CWC22: variants seen among roughly 807,000 people sequenced by gnomAD.
CWC22 encodes pre-mRNA-splicing factor CWC22 homolog.
Under a neutral mutation model 117.2 loss-of-function variants are expected in CWC22, and 53 were observed. The observed-to-expected ratio is 0.45, with a 90% CI of 0.36 to 0.57. The LOEUF (loss-of-function observed/expected upper bound fraction) is 0.57. Ranked by LOEUF, CWC22 falls within the 20% of genes least tolerant of loss-of-function variation. The pLI is 0.00. For missense variants in CWC22, 980 were observed against 1,068.8 expected (o/e 0.92, Z 1.16); for synonymous variants, 360 against 355.6 (o/e 1.01, Z -0.14).
At chr2:179,989,249 TA>T (rs11357427) in intron 2 of CWC22, among the ~76,000 whole-genome samples, 143,315 of 150,482 alleles carry the variant, frequency 0.95, 68,345 homozygotes, top group East Asian at 1. Context: ...GTTATAATAA[TA>T]ATTATTATTA....
At chr2:179,971,607 C>T (rs997211319) in intron 8 of CWC22, among the ~76,000 whole-genome samples, 1 of 152,022 alleles carries the variant, frequency 6.6e-6, no homozygotes, top group Admixed American at 6.6e-5. Context: ...TTCTGGAACA[C>T]AACAGTTTTG....
chr2:179,974,968 T>C (rs1433527175), intron 6 of CWC22, among the ~76,000 whole-genome samples: 1 of 152,166 alleles, frequency 6.6e-6, no homozygotes, highest in Non-Finnish European at 1.5e-5. Flanking sequence ...AGGCAACTCC[T>C]GGACTCAAGT....
chr2:179,979,135 G>C (rs946241278), intron 5 of CWC22, among the ~76,000 whole-genome samples: 5 of 152,046 alleles, frequency 3.3e-5, no homozygotes, highest in Non-Finnish European at 5.9e-5. Flanking sequence ...GTCTCTCTCG[G>C]GAAGTCTGGT....
In CWC22 at chr2:179,986,762, C is replaced by A; in HGVS notation, c.139G>T (p.Asp47Tyr). The A allele has an allele frequency of 1.2e-6, 2 of 1,609,300 alleles. No individual in the cohort carries two copies. The highest frequency in any genetic ancestry group is 1.7e-6 in the Non-Finnish European group (2 of 1,177,320). ...ERSPRDRDYF[D>Y]YSRSDYEHSR... Reference sequence around the variant, plus strand: ...TGCTCATAGTCTGATCTGCTGTAATCAAAGTAATCTCTATCCCGGGGGGAT... The same window carrying A: ...TGCTCATAGTCTGATCTGCTGTAATAAAAGTAATCTCTATCCCGGGGGGAT... The change falls in exon 4 of 20, where the codon GAT (aspartate) becomes TAT (tyrosine). Residue 47 changes from aspartate to tyrosine, a missense_variant. This residue lies in a region of CWC22 where 559 missense variants were observed against 602.3 expected (regional missense o/e 0.93). Coordinates refer to ENST00000410053, the MANE Select transcript of CWC22 (RefSeq NM_020943.3).
intron 19 of CWC22, among the ~76,000 whole-genome samples, chr2:179,949,885 G>C (rs1686402047): frequency 6.6e-6 from 1 of 151,934 alleles, no homozygotes; most frequent in African/African-American, 2.4e-5. Flanking sequence ...AAACATAATG[G>C]TAAAAAAATA....
intron 19 of CWC22, among the ~76,000 whole-genome samples, chr2:179,948,988 C>A (rs1361472218): frequency 6.6e-6 from 1 of 152,266 alleles, no homozygotes; most frequent in South Asian, 2.1e-4. Context: ...TATGGAAATT[C>A]TCTGTACTGT....
chr2:179,949,830 A>G (rs1686401297), intron 19 of CWC22, among the ~76,000 whole-genome samples: 1 of 152,244 alleles, frequency 6.6e-6, no homozygotes, highest in Non-Finnish European at 1.5e-5. Flanking sequence ...TAGCAATATT[A>G]CTGAATTAAC....
intron 4 of CWC22, among the ~76,000 whole-genome samples, chr2:179,982,705 G>A (rs1048363044): frequency 1.3e-5 from 2 of 152,070 alleles, no homozygotes; most frequent in East Asian, 3.9e-4. Context: ...CCCTACTAAC[G>A]TACCTGATTA....
At chr2:179,986,475 A>G (rs72960701) in intron 4 of CWC22, among the ~76,000 whole-genome samples, 7 of 151,992 alleles carry the variant, frequency 4.6e-5, no homozygotes, top group African/African-American at 1.7e-4. Context: ...ACTTCTCTAG[A>G]CCTCAGTTTC....
At chr2:179,972,342 A>T (rs573602145) in intron 8 of CWC22, among the ~76,000 whole-genome samples, 1 of 152,328 alleles carries the variant, frequency 6.6e-6, no homozygotes, top group Admixed American at 6.5e-5. Flanking sequence ...GTTAAATAAA[A>T]GCTAAATCAA....
At chr2:180,003,119 C>T (rs1408724708) in intron 1 of CWC22, among the ~76,000 whole-genome samples, 5 of 152,174 alleles carry the variant, frequency 3.3e-5, no homozygotes, top group Non-Finnish European at 5.9e-5. Flanking sequence ...ACAACAGCAG[C>T]GTTGTCTCAC....
intron 17 of CWC22, among the ~76,000 whole-genome samples, chr2:179,952,101 T>G (rs953452986): frequency 6.6e-6 from 1 of 152,140 alleles, no homozygotes; most frequent in Admixed American, 6.6e-5. Flanking sequence ...CAATTATTAA[T>G]AGATGAAATA....
intron 1 of CWC22, among the ~76,000 whole-genome samples, chr2:180,005,134 A>T (rs1309408483): frequency 6.6e-6 from 1 of 152,058 alleles, no homozygotes; most frequent in African/African-American, 2.4e-5. Context: ...CTTCAAGGAG[A>T]TGATGCTGCT....
rs745609782 is a variant in CWC22 at position 179,973,700 on chromosome 2, T to C, written c.684A>G (p.Gln228=). 8 of 1,611,442 alleles carry C rather than the reference T, an allele frequency of 5.0e-6. No individual in the cohort carries two copies. The highest frequency in any genetic ancestry group is 4.5e-5 in the East Asian group (2 of 44,812). Residue 228 remains glutamine, a synonymous_variant, in exon 7 of 20, where the codon CAA becomes CAG. Transcript: ENST00000410053. ...LVAIINSKFP[Q]IGELILKRLI... The stretch of plus-strand genomic sequence containing the variant: ...ACCTTTTGAGGATTAATTCTCCAAT[T>C]TGTGGAAATTTTGAGTTGATAATTG...
chr2:179,954,628 T>C (rs1012872554), intron 15 of CWC22, among the ~76,000 whole-genome samples: 4 of 152,036 alleles, frequency 2.6e-5, no homozygotes, highest in Non-Finnish European at 5.9e-5. Flanking sequence ...AGATCATGCT[T>C]TAATTGTGCT....
rs765908035 is a variant in CWC22, at chr2:179,970,868, C to G, written c.941-12G>C. On this transcript the variant is annotated splice_polypyrimidine_tract_variant and intron_variant, in intron 9 of 19. Transcript: ENST00000410053. The stretch of plus-strand genomic sequence containing the variant: ...GCGTTCAAATATAGCTAAAAGTTAA[C>G]AGAAAGAAAAGACAATAAAATAAGC... 7 of 1,610,996 alleles carry G rather than the reference C, an allele frequency of 4.3e-6. No individual in the cohort carries two copies. Among genetic ancestry groups the G allele is most frequent in the South Asian group, 2.2e-5 (2 of 90,856 alleles).
chr2:179,965,773 C>T, intron 12 of CWC22, 105 bp downstream of exon 12: 1 of 971,940 alleles, frequency 1.0e-6, no homozygotes, highest in Non-Finnish European at 1.5e-6. Flanking sequence ...CCATCAGCAG[C>T]TGTCCTTGCT....
intron 1 of CWC22, among the ~76,000 whole-genome samples, chr2:180,003,689 T>C (rs1687900187): frequency 6.6e-6 from 1 of 152,110 alleles, no homozygotes; most frequent in Non-Finnish European, 1.5e-5. Flanking sequence ...CAGGGTAACT[T>C]TTCAGGTGGA....
chr2:179,958,553 T>TG, intron 14 of CWC22, among the ~76,000 whole-genome samples: 1 of 152,096 alleles, frequency 6.6e-6, no homozygotes, highest in Non-Finnish European at 1.5e-5. Flanking sequence ...ATGTTTTTTT[T>TG]TTTGCAAATT....
Sources: allele counts gnomAD v4.1 joint callset (sites outside exome capture counted in the v4.1 genomes callset), GRCh38; gene constraint gnomAD v4.1.1; regional missense constraint gnomAD v4.1.1; transcripts MANE v1.5; gene names NCBI Gene and HGNC (gene_info 2026-07-23, HGNC 2026-07-21).